Variants in BORCS5 observed in about 807,000 individuals in gnomAD.
BORCS5 encodes the protein BLOC-1-related complex subunit 5.
A neutral mutation model predicts 22.1 loss-of-function variants in BORCS5; 17 were observed. The observed-to-expected ratio is 0.77, with a 90% CI of 0.53 to 1.15. BORCS5 has a LOEUF of 1.15. BORCS5 is among the 50% of genes most tolerant of loss of function. The probability of loss-of-function intolerance (pLI) is 0.00; values close to 1 mark genes in which losing one functional copy is unlikely to be tolerated. For missense variants in BORCS5, 247 were observed against 253.2 expected (o/e 0.98, Z 0.17); for synonymous variants, 117 against 99.8 (o/e 1.17, Z -1.03).
intron 2 of BORCS5, among the ~76,000 whole-genome samples, chr12:12,400,591 A>G (rs796947596): frequency 1.5e-5 from 2 of 137,610 alleles, no homozygotes; most frequent in African/African-American, 6.6e-5. Context: ...AGCATACAGA[A>G]AAAAAAAAAA....
chr12:12,408,388 T>A (rs1425064279), intron 2 of BORCS5, among the ~76,000 whole-genome samples: 2 of 152,242 alleles, frequency 1.3e-5, no homozygotes, highest in Non-Finnish European at 2.9e-5. Flanking sequence ...ACCCACAATG[T>A]GGTAAAATAC....
At chr12:12,375,434 G>C (rs1396769478) in intron 2 of BORCS5, among the ~76,000 whole-genome samples, 1 of 152,188 alleles carries the variant, frequency 6.6e-6, no homozygotes, top group African/African-American at 2.4e-5. Context: ...GACCAGCCTG[G>C]GCAACATAGA....
intron 2 of BORCS5, among the ~76,000 whole-genome samples, chr12:12,362,233 A>G (rs1863302367): frequency 6.6e-6 from 1 of 152,202 alleles, no homozygotes; most frequent in African/African-American, 2.4e-5. Context: ...TAAGCCTTTT[A>G]TAAGGCAGCT....
rs143003873 is a variant in BORCS5 at position 12,387,618 on chromosome 12, A to G, written c.202+26269A>G. On this transcript the variant is annotated intron_variant, in intron 2 of 3. Coordinates refer to ENST00000314565, the MANE Select transcript of BORCS5 (RefSeq NM_058169.6). Reference sequence around the variant, plus strand: ...AGTGTTCCAGGTGTGGATTGGATCCAGTGTCTTTTCTGCATGATATATTCC... The same window carrying G: ...AGTGTTCCAGGTGTGGATTGGATCCGGTGTCTTTTCTGCATGATATATTCC... Among the ~76,000 whole-genome samples the G allele has an allele frequency of 3.8e-3, 570 of 151,590 alleles. 19 individuals are homozygous for G. Among genetic ancestry groups the G allele is most frequent in the Non-Finnish European group, 4.8e-3 (323 of 67,706 alleles).
At chr12:12,450,140 C>T (rs189756830) in intron 3 of BORCS5, among the ~76,000 whole-genome samples, 2 of 152,344 alleles carry the variant, frequency 1.3e-5, no homozygotes, top group African/African-American at 2.4e-5. Context: ...ACTTTGGTCG[C>T]TTAGGACAGG....
At position 12,464,987 on chromosome 12, in the gene BORCS5, T is replaced by C. The variant is rs577603452; in HGVS notation, c.361-559T>C. Among the ~76,000 whole-genome samples the C allele has an allele frequency of 1.4e-4, 21 of 152,232 alleles. No individual in the cohort carries two copies. The East Asian group carries it at 3.9e-3, about 28-fold the overall frequency. ...GGGTTTGGGATTTTTGTTATTGTTG[T>C]TAGAAACAGGGTCTCACTGTGTCGC... On this transcript the variant is annotated intron_variant, in intron 3 of 3. Transcript: ENST00000314565.
At chr12:12,453,419 C>G (rs1285499737) in intron 3 of BORCS5, among the ~76,000 whole-genome samples, 1 of 152,160 alleles carries the variant, frequency 6.6e-6, no homozygotes, top group Non-Finnish European at 1.5e-5. Flanking sequence ...GACTCAGCTA[C>G]CACCTTCCTT....
intron 2 of BORCS5, among the ~76,000 whole-genome samples, chr12:12,375,215 G>C (rs879708900): frequency 6.6e-6 from 1 of 152,082 alleles, no homozygotes; most frequent in African/African-American, 2.4e-5. Context: ...GTTTTACCAT[G>C]TTGGCCAAGC....
At chr12:12,417,451 TTCTG>T (rs1307133201) in intron 2 of BORCS5, among the ~76,000 whole-genome samples, 5 of 152,220 alleles carry the variant, frequency 3.3e-5, no homozygotes, top group African/African-American at 4.8e-5. Context: ...AGGTACATTA[TTCTG>T]TCTGTCTGTG....
At chr12:12,464,954 G>C (rs764014408) in intron 3 of BORCS5, among the ~76,000 whole-genome samples, 1 of 152,146 alleles carries the variant, frequency 6.6e-6, no homozygotes, top group Non-Finnish European at 1.5e-5. Context: ...TGAAGAACAT[G>C]CATTTTGGGG....
rs558393118 is a variant in BORCS5 at position 12,406,649 on chromosome 12, A to C, written c.203-28979A>C. 2.6e-5 allele frequency among the ~76,000 whole-genome samples: 4 copies of C among 152,298 alleles called. No individual in the cohort carries two copies. The East Asian group carries it at 5.8e-4, about 22-fold the overall frequency. ...AAAAACCAAAAAACAAACAAACAAA[A>C]AAAAAACGTGTCAGGTCCCTAATGT... On this transcript the variant is annotated intron_variant, in intron 2 of 3. Transcript: ENST00000314565.
intron 3 of BORCS5, among the ~76,000 whole-genome samples, chr12:12,457,980 C>T (rs904134723): frequency 3.9e-5 from 6 of 152,168 alleles, no homozygotes; most frequent in Non-Finnish European, 7.3e-5. Flanking sequence ...TCGGGATAAC[C>T]GTGGTCATAA....
chr12:12,461,955 A>G (rs1232994549), intron 3 of BORCS5, among the ~76,000 whole-genome samples: 1 of 152,204 alleles, frequency 6.6e-6, no homozygotes, highest in Non-Finnish European at 1.5e-5. Flanking sequence ...AAACAAAGTT[A>G]TTTGCAATTT....
At chr12:12,455,721 A>C (rs1265597112) in intron 3 of BORCS5, among the ~76,000 whole-genome samples, 1 of 151,924 alleles carries the variant, frequency 6.6e-6, no homozygotes, top group Admixed American at 6.6e-5. Flanking sequence ...GGAGGTTGCA[A>C]TGAGCTGAGA....
At chr12:12,465,315 A>G (rs1193701646) in intron 3 of BORCS5, among the ~76,000 whole-genome samples, 2 of 152,184 alleles carry the variant, frequency 1.3e-5, no homozygotes, top group Non-Finnish European at 2.9e-5. Flanking sequence ...GCACATTCCC[A>G]GAACATAGAG....
chr12:12,361,420 C>T (rs1415435931), intron 2 of BORCS5, 71 bp downstream of exon 2: 6 of 1,535,180 alleles, frequency 3.9e-6, no homozygotes, highest in Middle Eastern at 1.7e-4. Context: ...TTTCCCTCTA[C>T]TTATCCATGT....
rs901304095 is a variant in BORCS5 at position 12,409,858 on chromosome 12, T to C, written c.203-25770T>C. Among the ~76,000 whole-genome samples, 182 of 152,210 alleles carry C rather than the reference T, an allele frequency of 1.2e-3. 4 individuals carry two copies. The East Asian group carries it at 0.032, about 27-fold the overall frequency. On this transcript the variant is annotated intron_variant, in intron 2 of 3. Transcript: ENST00000314565. ...TACAGTCCCACCAACAGTGTAAAAG[T>C]GTTCCTATTTCTCCACACCCTCTCC...
intron 2 of BORCS5, among the ~76,000 whole-genome samples, chr12:12,433,718 G>A (rs1306034532): frequency 6.6e-6 from 1 of 152,172 alleles, no homozygotes; most frequent in African/African-American, 2.4e-5. Flanking sequence ...TCAAGTAACT[G>A]GTGCTCTCCT....
intron 3 of BORCS5, among the ~76,000 whole-genome samples, chr12:12,458,394 C>T (rs1943037246): frequency 6.6e-6 from 1 of 152,042 alleles, no homozygotes; most frequent in Non-Finnish European, 1.5e-5. Context: ...TGGATTTTTT[C>T]TTAATGTTGA....
Sources: gnomAD v4.1 joint callset for allele counts (sites outside exome capture counted in the v4.1 genomes callset) on GRCh38, gnomAD v4.1.1 for gene constraint, MANE v1.5 for transcripts, NCBI Gene and HGNC (gene_info 2026-07-23, HGNC 2026-07-21) for gene names.